The following ZNF143 variants were observed in gnomAD, a reference collection of about 807,000 sequenced individuals.
ZNF143 encodes the protein SPH-binding factor.
Under a neutral mutation model 74.1 loss-of-function variants are expected in ZNF143, and 49 were observed. The ratio of observed to expected loss-of-function variants is 0.66; its 90% confidence interval spans 0.53 to 0.84. The LOEUF is 0.84. ZNF143 is among the 40% of genes least tolerant of loss of function. ZNF143 has a pLI of 0.00. For missense variants in ZNF143, 637 were observed against 793.4 expected, an observed-to-expected ratio of 0.80 and a Z score of 2.37; for synonymous variants, 304 against 282.8, an observed-to-expected ratio of 1.07 and a Z score of -0.75.
At chr11:9,475,413 C>CCA (rs1565027197) in intron 5 of ZNF143, among the ~76,000 whole-genome samples, 1 of 152,118 alleles carries the variant, frequency 6.6e-6, no homozygotes, top group African/African-American at 2.4e-5. Context: ...GTGTGTGTCA[C>CCA]CACAGCCAGC....
chr11:9,461,766 A>G (rs1477248547), intron 1 of ZNF143: 1 of 152,104 alleles, frequency 6.6e-6, no homozygotes, highest in Non-Finnish European at 1.5e-5. Context: ...GAAACGTATT[A>G]TTGTGGAACG....
intron 11 of ZNF143, among the ~76,000 whole-genome samples, chr11:9,501,484 T>G (rs534274443): frequency 5.9e-5 from 9 of 152,208 alleles, no homozygotes; most frequent in East Asian, 3.9e-4. Context: ...GCATCAAACA[T>G]AGAGAGATAA....
At chr11:9,483,287 C>CA (rs1847321716) in intron 7 of ZNF143, among the ~76,000 whole-genome samples, 8 of 64,714 alleles carry the variant, frequency 1.2e-4, no homozygotes, top group African/African-American at 4.2e-4. Context: ...AGCCAACATG[C>CA]CTTTTTTTTT....
chr11:9,463,148 A>AT (rs1437500275), intron 1 of ZNF143, among the ~76,000 whole-genome samples: 1 of 152,238 alleles, frequency 6.6e-6, no homozygotes. Flanking sequence ...ATTTCATTGT[A>AT]TGAACATAGT....
Position 9,490,790 on chromosome 11 carries a change from T to C in ZNF143, c.646-3856T>C, listed in dbSNP as rs189655827. ...TTCTGATGCCCAAGCTGGAGTGCAG[T>C]GGGGCGATCATAGCTTACTGCAGCC... is the stretch of plus-strand genomic sequence containing the variant. On this transcript the variant is annotated intron_variant, in intron 7 of 15. Coordinates refer to ENST00000396602, the MANE Select transcript of ZNF143 (RefSeq NM_003442.6). 2.6e-5 allele frequency among the ~76,000 whole-genome samples: 4 copies of C among 152,324 alleles called. No individual in the cohort carries two copies. In the South Asian group the frequency reaches 6.2e-4, roughly 24 times the overall value.
At chr11:9,505,954 C>T (rs1268195891) in intron 11 of ZNF143, among the ~76,000 whole-genome samples, 2 of 151,676 alleles carry the variant, frequency 1.3e-5, no homozygotes, top group East Asian at 1.9e-4. Context: ...GCTTAAGTGC[C>T]TTTTTGTAAT....
In ZNF143 at chr11:9,471,425, G is replaced by A; in HGVS notation, c.112+5G>A. On this transcript the variant is annotated splice_donor_5th_base_variant and intron_variant, in intron 2 of 15. Coordinates refer to ENST00000396602, the MANE Select transcript of ZNF143 (RefSeq NM_003442.6). ...CAGAGGCAGTCACCGTGGCAGGTGA[G>A]CAGTTGTGTTTGAAGGGATGCGTTT... The A allele has an allele frequency of 4.4e-6, 7 of 1,584,076 alleles. No individual in the cohort carries two copies. Among genetic ancestry groups the A allele is most frequent in the Non-Finnish European group, 6.0e-6 (7 of 1,166,914 alleles).
At chr11:9,487,308 C>T (rs1402198698) in intron 7 of ZNF143, among the ~76,000 whole-genome samples, 1 of 151,512 alleles carries the variant, frequency 6.6e-6, no homozygotes. Flanking sequence ...CCCTATGTAT[C>T]TTGCACAACG....
At chr11:9,527,339 G>T (rs1849166349) in intron 15 of ZNF143, among the ~76,000 whole-genome samples, 191 bp from the exon 16 acceptor site, 1 of 152,202 alleles carries the variant, frequency 6.6e-6, no homozygotes, top group East Asian at 1.9e-4. Context: ...AAAAGAAATT[G>T]CATTGCATTA....
intron 11 of ZNF143, among the ~76,000 whole-genome samples, chr11:9,503,514 A>G (rs1848241543): frequency 6.6e-6 from 1 of 152,060 alleles, no homozygotes; most frequent in South Asian, 2.1e-4. Context: ...CCCAGCTAAC[A>G]GTTGTTATTA....
chr11:9,486,403 T>TATATATA (rs1554964434), intron 7 of ZNF143, among the ~76,000 whole-genome samples: 22 of 17,126 alleles, frequency 1.3e-3, no homozygotes, highest in African/African-American at 4.8e-3. Flanking sequence ...TATAATATAT[T>TATATATA]ATATATATAA....
chr11:9,463,043 T>G (rs539855995), intron 1 of ZNF143, among the ~76,000 whole-genome samples: 18 of 152,376 alleles, frequency 1.2e-4, no homozygotes, highest in African/African-American at 4.3e-4. Context: ...CTATTCTAGA[T>G]ATTTCACATA....
At chr11:9,494,591 A>G in intron 7 of ZNF143, 55 bp from the exon 8 acceptor site, 1 of 1,563,598 alleles carries the variant, frequency 6.4e-7, no homozygotes, top group East Asian at 2.3e-5. Context: ...GATTACTGGC[A>G]TGAGCCACTG....
intron 8 of ZNF143, among the ~76,000 whole-genome samples, chr11:9,495,366 G>A (rs1565046856): frequency 6.6e-6 from 1 of 152,084 alleles, no homozygotes; most frequent in Non-Finnish European, 1.5e-5. Context: ...GCTTGAACCC[G>A]GGAGGCAGAG....
At chr11:9,470,590 A>G (rs12418104) in intron 1 of ZNF143, among the ~76,000 whole-genome samples, 12,211 of 152,206 alleles carry the variant, frequency 0.08, 705 homozygotes, top group Admixed American at 0.12. Flanking sequence ...AGAACATCCA[A>G]TATGCTTGAG....
intron 8 of ZNF143, 107 bp from the exon 9 acceptor site, chr11:9,496,196 A>G: frequency 1.1e-6 from 1 of 919,748 alleles, no homozygotes; most frequent in East Asian, 2.5e-5. Flanking sequence ...AGAAAAAAGC[A>G]TACAACAAAA....
intron 6 of ZNF143, 29 bp downstream of exon 6, chr11:9,478,615 T>A (rs749919527): frequency 7.0e-6 from 11 of 1,581,832 alleles, no homozygotes; most frequent in Non-Finnish European, 9.5e-6. Flanking sequence ...TCAAGAATGT[T>A]GCAGATATAG....
At chr11:9,486,133 T>C (rs1266638974) in intron 7 of ZNF143, among the ~76,000 whole-genome samples, 1 of 149,272 alleles carries the variant, frequency 6.7e-6, no homozygotes, top group Non-Finnish European at 1.5e-5. Context: ...ATAGTTGATA[T>C]TGAATTCATT....
intron 11 of ZNF143, among the ~76,000 whole-genome samples, chr11:9,501,904 G>A (rs1428399739): frequency 2.0e-5 from 3 of 151,072 alleles, no homozygotes; most frequent in East Asian, 1.9e-4. Context: ...GTGAGGGGGC[G>A]GGGTGGTCTA....
Sources: allele counts gnomAD v4.1 joint callset (sites outside exome capture counted in the v4.1 genomes callset), GRCh38; gene constraint gnomAD v4.1.1; transcripts MANE v1.5; gene names NCBI Gene and HGNC (gene_info 2026-07-23, HGNC 2026-07-21).